The following NXPE2 variants were observed in gnomAD, a reference collection of about 807,000 sequenced individuals.
NXPE2 encodes the protein neurexophilin and PC-esterase domain family member 2, also known as NXPE family member 2.
A neutral mutation model predicts 34.4 loss-of-function variants in NXPE2; 34 were observed. The ratio of observed to expected loss-of-function variants is 0.99; its 90% CI spans 0.75 to 1.31. The LOEUF is 1.31. Ranked by LOEUF, NXPE2 falls within the 40% of genes most tolerant of loss-of-function variation. The pLI, the probability that NXPE2 is intolerant of heterozygous loss-of-function variation, is 0.00. For synonymous variants in NXPE2, 235 were observed against 231.3 expected (o/e 1.02, Z -0.15); for missense variants, 649 against 672.5 (o/e 0.97, Z 0.39).
chr11:114,679,368 T>C (rs1950908749), intron 1 of NXPE2, among the ~76,000 whole-genome samples: 2 of 151,976 alleles, frequency 1.3e-5, no homozygotes, highest in South Asian at 2.1e-4. Flanking sequence ...TAAAACCTTG[T>C]TGTCCATGCT....
At chr11:114,650,095 A>T in the NXPE2 span, among the ~76,000 whole-genome samples, 2 of 152,220 alleles carry the variant, frequency 1.3e-5, no homozygotes, top group African/African-American at 4.8e-5. Context: ...CAGGTAATAT[A>T]CAAAAGTGTA....
At chr11:114,511,399 A>G in the NXPE2 span, among the ~76,000 whole-genome samples, 3 of 152,214 alleles carry the variant, frequency 2.0e-5, no homozygotes, top group Non-Finnish European at 4.4e-5. Context: ...GGCCATAAGC[A>G]TGAGAAAGAA....
the NXPE2 span, chr11:114,530,278 A>G: frequency 2.4e-5 from 39 of 1,614,226 alleles, no homozygotes; most frequent in Admixed American, 4.7e-4. Context: ...GGCTTCATAC[A>G]ATAGAAGGCT....
chr11:114,657,907 C>T, the NXPE2 span, among the ~76,000 whole-genome samples: 98 of 152,210 alleles, frequency 6.4e-4, no homozygotes, highest in Non-Finnish European at 1.1e-3. Flanking sequence ...CAATCAAAGA[C>T]GAATAGAATA....
At chr11:114,716,756 A>G in the NXPE2 span, among the ~76,000 whole-genome samples, 1 of 152,216 alleles carries the variant, frequency 6.6e-6, no homozygotes, top group Non-Finnish European at 1.5e-5. Flanking sequence ...GCAGTTTGGT[A>G]TCAGTCCATT....
chr11:114,644,888 AAGAT>A, the NXPE2 span, among the ~76,000 whole-genome samples: 7 of 152,240 alleles, frequency 4.6e-5, no homozygotes, highest in Non-Finnish European at 8.8e-5. Flanking sequence ...ATTGACCACT[AAGAT>A]AGAATTAAAA....
chr11:114,579,065 G>T, the NXPE2 span, among the ~76,000 whole-genome samples: 2 of 152,188 alleles, frequency 1.3e-5, no homozygotes, highest in Non-Finnish European at 2.9e-5. Context: ...TTTGGCTGAT[G>T]GTTCTTGCAG....
At chr11:114,655,989 T>A in the NXPE2 span, among the ~76,000 whole-genome samples, 1 of 152,158 alleles carries the variant, frequency 6.6e-6, no homozygotes, top group Non-Finnish European at 1.5e-5. Flanking sequence ...AGTCAAATTG[T>A]CTCTCTTTGC....
the NXPE2 span, among the ~76,000 whole-genome samples, chr11:114,797,322 A>G: frequency 6.6e-6 from 1 of 152,146 alleles, no homozygotes; most frequent in Non-Finnish European, 1.5e-5. Flanking sequence ...AGGTGAAACG[A>G]GAGTTTAGTG....
the NXPE2 span, among the ~76,000 whole-genome samples, chr11:114,637,446 G>A: frequency 3.3e-5 from 5 of 151,852 alleles, no homozygotes; most frequent in South Asian, 1.0e-3. Flanking sequence ...TTTAATTGGA[G>A]CATTTAGTCC....
chr11:114,700,106 T>G (rs1426073130), intron 3 of NXPE2, among the ~76,000 whole-genome samples: 2 of 152,160 alleles, frequency 1.3e-5, no homozygotes, highest in African/African-American at 4.8e-5. Flanking sequence ...TTCTTTCAAT[T>G]TATAAGTAGT....
chr11:114,806,194 T>C, the NXPE2 span, among the ~76,000 whole-genome samples: 1 of 152,128 alleles, frequency 6.6e-6, no homozygotes, highest in Non-Finnish European at 1.5e-5. Context: ...AACCCATCTG[T>C]ACGTCACCAT....
the NXPE2 span, among the ~76,000 whole-genome samples, chr11:114,763,552 A>G: frequency 6.6e-6 from 1 of 152,238 alleles, no homozygotes; most frequent in South Asian, 2.1e-4. Flanking sequence ...CAACTGAAAT[A>G]AATGATCACA....
chr11:114,810,552 G>A, the NXPE2 span, among the ~76,000 whole-genome samples: 1 of 152,062 alleles, frequency 6.6e-6, no homozygotes, highest in African/African-American at 2.4e-5. Flanking sequence ...CTTCTTAAAA[G>A]AAGACATTTA....
chr11:114,515,182 C>G, the NXPE2 span, among the ~76,000 whole-genome samples: 1 of 151,744 alleles, frequency 6.6e-6, no homozygotes, highest in Admixed American at 6.6e-5. Context: ...TTAGCTGAAG[C>G]TAGTCTTTTA....
the NXPE2 span, among the ~76,000 whole-genome samples, chr11:114,491,290 C>T: frequency 9.9e-3 from 1,505 of 151,830 alleles, 29 homozygotes; most frequent in African/African-American, 0.034. Context: ...TATCCAGAAT[C>T]TACAAAGAAT....
chr11:114,636,189 T>C, the NXPE2 span, among the ~76,000 whole-genome samples: 2 of 152,008 alleles, frequency 1.3e-5, no homozygotes, highest in African/African-American at 4.8e-5. Flanking sequence ...GGTTTAGTCT[T>C]AGGAGGGTGT....
chr11:114,804,781 G>T, the NXPE2 span, among the ~76,000 whole-genome samples: 4 of 152,150 alleles, frequency 2.6e-5, no homozygotes, highest in Non-Finnish European at 5.9e-5. Context: ...TGTCCTTGTA[G>T]GAAAATGCCC....
At chr11:114,808,167 C>T in the NXPE2 span, among the ~76,000 whole-genome samples, 12 of 152,112 alleles carry the variant, frequency 7.9e-5, no homozygotes, top group African/African-American at 1.9e-4. Flanking sequence ...CACAACATAC[C>T]AGAATCTCTG....
Sources: allele counts gnomAD v4.1 joint callset (sites outside exome capture counted in the v4.1 genomes callset), GRCh38; gene constraint gnomAD v4.1.1; transcripts MANE v1.5; gene names NCBI Gene and HGNC (gene_info 2026-07-23, HGNC 2026-07-21).